Variants in ZNF540 observed in about 807,000 individuals in gnomAD.
ZNF540 encodes the protein zinc finger protein 540, also known as CTD-3064H18.6.
Under a neutral mutation model 11.8 loss-of-function variants are expected in ZNF540, and 3 were observed. The observed-to-expected ratio is 0.25, with a 90% CI of 0.12 to 0.65. The LOEUF (loss-of-function observed/expected upper bound fraction) is 0.65, where lower values mean the gene tolerates loss of function less well. ZNF540 is among the 30% of genes least tolerant of loss of function. The probability of loss-of-function intolerance (pLI) is 0.83; values close to 1 mark genes in which losing one functional copy is unlikely to be tolerated. For missense variants in ZNF540, 709 were observed against 793.1 expected (o/e 0.89, Z 1.27); for synonymous variants, 247 against 259.0 (o/e 0.95, Z 0.45).
chr19:37,592,596 A>G (rs998423059), upstream of ZNF540, among the ~76,000 whole-genome samples: 2 of 152,234 alleles, frequency 1.3e-5, no homozygotes, highest in African/African-American at 4.8e-5. Context: ...TTAAATGGAC[A>G]GCATTTAAAC....
At chr19:37,603,837 T>C (rs2044059652) in intron 4 of ZNF540, among the ~76,000 whole-genome samples, 1 of 152,220 alleles carries the variant, frequency 6.6e-6, no homozygotes. Context: ...TTAAGTTCTA[T>C]ATAGTATGTT....
intron 4 of ZNF540, among the ~76,000 whole-genome samples, chr19:37,604,412 A>C (rs1267180392): frequency 7.0e-6 from 1 of 143,808 alleles, no homozygotes; most frequent in Non-Finnish European, 1.5e-5. Flanking sequence ...GGTTCACGCC[A>C]TTCTCCTGCC....
At chr19:37,609,781 G>A (rs1391182798) in intron 4 of ZNF540, among the ~76,000 whole-genome samples, 2 of 152,128 alleles carry the variant, frequency 1.3e-5, no homozygotes, top group Non-Finnish European at 2.9e-5. Context: ...CTGGGAGGCA[G>A]AGGTTGCAGT....
intron 1 of ZNF540, chr19:37,563,647 ACG>A (rs2042748614): frequency 6.6e-6 from 1 of 150,652 alleles, no homozygotes; most frequent in African/African-American, 2.5e-5. Context: ...ATATATACAC[ACG>A]TGGAATGTAT....
At chr19:37,594,674 A>T (rs2043965824), upstream of ZNF540, 1 of 152,260 alleles carries the variant, frequency 6.6e-6, no homozygotes, top group Non-Finnish European at 1.5e-5. Context: ...AGCACCATAC[A>T]AGAACTACTT....
Position 37,564,632 on chromosome 19 carries a change from G to T in ZNF540, c.-73+12967G>T, listed in dbSNP as rs148898167. 4.2e-5 allele frequency: 66 copies of T among 1,564,678 alleles called. No individual in the cohort carries two copies. The African/African-American group carries it at 8.6e-4, about 20-fold the overall frequency. On this transcript the variant is annotated intron_variant, in intron 1 of 4. Coordinates refer to the ZNF540 transcript ENST00000592533. ...AAGCCTTGTATGTTGAGTAAGTTGT[G>T]AAGGACATCTAAAGTCTTTACCACA...
intron 1 of ZNF540, chr19:37,584,240 T>C (rs1474657944): frequency 1.0e-6 from 1 of 1,000,576 alleles, no homozygotes; most frequent in African/African-American, 1.6e-5. Context: ...ATTAACCTGA[T>C]TCTCTATCAT....
Position 37,612,463 on chromosome 19 carries a change from C to T in ZNF540, c.1183C>T (p.Arg395Cys), listed in dbSNP as rs778857858. 38 of 1,613,934 alleles carry T rather than the reference C, an allele frequency of 2.4e-5. No individual in the cohort carries two copies. The highest frequency in any genetic ancestry group is 1.0e-4 in the Admixed American group (6 of 59,990). ...CKECGKSFNV[R>C]GQLNRHKTIH... Reference sequence around the variant, plus strand: ...GGAGTGTGGGAAATCATTTAATGTGCGTGGACAGCTTAATCGGCATAAAAC... The same window carrying T: ...GGAGTGTGGGAAATCATTTAATGTGTGTGGACAGCTTAATCGGCATAAAAC... The change falls in exon 5 of 5, where the codon CGT (arginine) becomes TGT (cysteine). Residue 395 changes from arginine to cysteine, a missense_variant. By Grantham distance (180) the Arg-to-Cys change is radical. Transcript: ENST00000316433.
chr19:37,551,833 T>TGG (rs757408022), intron 1 of ZNF540, among the ~76,000 whole-genome samples: 1,835 of 150,030 alleles, frequency 0.012, 33 homozygotes, highest in East Asian at 0.049. Flanking sequence ...TCTGTGTGTG[T>TGG]GGGGGGGGTG....
intron 4 of ZNF540, among the ~76,000 whole-genome samples, chr19:37,603,730 T>A (rs1402337749): frequency 6.6e-6 from 1 of 152,234 alleles, no homozygotes; most frequent in Non-Finnish European, 1.5e-5. Flanking sequence ...TTTCACAATG[T>A]ATATATTCTT....
intron 1 of ZNF540, among the ~76,000 whole-genome samples, chr19:37,588,150 A>T (rs1221010239): frequency 6.6e-6 from 1 of 150,700 alleles, no homozygotes; most frequent in Non-Finnish European, 1.5e-5. Flanking sequence ...AAAATAATAT[A>T]TATAAAATGA....
At chr19:37,605,017 A>T (rs2044072558) in intron 4 of ZNF540, among the ~76,000 whole-genome samples, 1 of 152,214 alleles carries the variant, frequency 6.6e-6, no homozygotes, top group Admixed American at 6.5e-5. Context: ...TTATTAGTTA[A>T]CAGTTTATGA....
chr19:37,600,128 G>A (rs1038525520), intron 3 of ZNF540, among the ~76,000 whole-genome samples: 4 of 152,178 alleles, frequency 2.6e-5, no homozygotes, highest in East Asian at 3.8e-4. Flanking sequence ...AAGGATAACA[G>A]CCCTACCCAG....
intron 3 of ZNF540, among the ~76,000 whole-genome samples, chr19:37,600,618 G>A (rs1321913919): frequency 6.6e-6 from 1 of 151,958 alleles, no homozygotes; most frequent in African/African-American, 2.4e-5. Context: ...TCATTTTACA[G>A]ATGAAAAAAC....
chr19:37,562,048 T>C (rs1600446181), intron 1 of ZNF540, among the ~76,000 whole-genome samples: 1 of 152,286 alleles, frequency 6.6e-6, no homozygotes, highest in East Asian at 1.9e-4. Context: ...CAATCAGTGG[T>C]TTCCAGAGTG....
At chr19:37,590,312 G>A (rs1477520933), upstream of ZNF540, among the ~76,000 whole-genome samples, 3 of 152,114 alleles carry the variant, frequency 2.0e-5, no homozygotes, top group Non-Finnish European at 2.9e-5. Context: ...AGCTACTTGG[G>A]AGGCTGAGGC....
intron 4 of ZNF540, among the ~76,000 whole-genome samples, chr19:37,603,925 A>G (rs1285607955): frequency 6.6e-6 from 1 of 152,222 alleles, no homozygotes; most frequent in Non-Finnish European, 1.5e-5. Context: ...TGGGCTGTAT[A>G]TAATCAGATC....
At chr19:37,588,128 A>T (rs1192277251) in intron 1 of ZNF540, among the ~76,000 whole-genome samples, 2 of 130,638 alleles carry the variant, frequency 1.5e-5, no homozygotes, top group African/African-American at 6.0e-5. Context: ...AAAAAAAAAA[A>T]TCCCATGGGT....
rs115491718 is a variant in ZNF540, at chr19:37,565,749, C to T, written c.-73+14084C>T. 448 of 1,613,758 alleles carry T rather than the reference C, an allele frequency of 2.8e-4. 2 individuals carry two copies. In the African/African-American group the frequency reaches 4.9e-3, roughly 18 times the overall value. The stretch of plus-strand genomic sequence containing the variant: ...CCACGAATAAAAGCTTTCCCACATG[C>T]GTTACACTGATAAGGTTTTTCATTA... On this transcript the variant is annotated intron_variant, in intron 1 of 4. Transcript: ENST00000592533.
Sources: gnomAD v4.1 joint callset for allele counts (sites outside exome capture counted in the v4.1 genomes callset) on GRCh38, gnomAD v4.1.1 for gene constraint, MANE v1.5 for transcripts, NCBI Gene and HGNC (gene_info 2026-07-23, HGNC 2026-07-21) for gene names.